Variants in NKAIN3 observed in about 807,000 individuals in gnomAD.
NKAIN3 encodes sodium/potassium-transporting ATPase subunit beta-1-interacting protein 3.
A neutral mutation model predicts 30.2 loss-of-function variants in NKAIN3; 25 were observed. That is an observed-to-expected ratio of 0.83 (90% CI 0.60 to 1.16). NKAIN3 has a LOEUF of 1.16. Among genes scored for constraint, NKAIN3 ranks in the 50% most tolerant of loss-of-function variants. The pLI is 0.00. For missense variants in NKAIN3, 225 were observed against 254.1 expected, an observed-to-expected ratio of 0.89 and a Z score of 0.78; for synonymous variants, 91 against 89.6, an observed-to-expected ratio of 1.02 and a Z score of -0.09.
intron 4 of NKAIN3, among the ~76,000 whole-genome samples, chr8:62,774,625 A>C (rs962402414): frequency 6.6e-6 from 1 of 152,096 alleles, no homozygotes; most frequent in African/African-American, 2.4e-5. Flanking sequence ...AGGATGTTGA[A>C]TTTTATAGAA....
At chr8:62,582,607 G>A (rs1478178321) in intron 2 of NKAIN3, among the ~76,000 whole-genome samples, 1 of 152,106 alleles carries the variant, frequency 6.6e-6, no homozygotes, top group Non-Finnish European at 1.5e-5. Flanking sequence ...GTGAAGGGGG[G>A]TCTGGGCCGG....
At chr8:62,716,170 C>A (rs1055950953) in intron 3 of NKAIN3, among the ~76,000 whole-genome samples, 11 of 152,092 alleles carry the variant, frequency 7.2e-5, no homozygotes, top group Non-Finnish European at 1.2e-4. Context: ...CAATGAACCT[C>A]CCAATAAGAA....
intron 1 of NKAIN3, among the ~76,000 whole-genome samples, chr8:62,288,917 T>G (rs542050017): frequency 5.4e-4 from 83 of 152,298 alleles, no homozygotes; most frequent in African/African-American, 1.9e-3. Flanking sequence ...TTACCTGACT[T>G]TTTAATGATC....
intron 4 of NKAIN3, among the ~76,000 whole-genome samples, chr8:62,832,596 A>T (rs1819232271): frequency 6.6e-6 from 1 of 152,014 alleles, no homozygotes; most frequent in Non-Finnish European, 1.5e-5. Flanking sequence ...ATGTAATAAA[A>T]CATTATTACA....
intron 4 of NKAIN3, among the ~76,000 whole-genome samples, chr8:62,902,030 T>A (rs1233360442): frequency 6.6e-6 from 1 of 152,032 alleles, no homozygotes; most frequent in Non-Finnish European, 1.5e-5. Context: ...GCCCAGAGGG[T>A]GGTGCCTGAC....
intron 4 of NKAIN3, among the ~76,000 whole-genome samples, chr8:62,784,819 A>G (rs1031537248): frequency 2.6e-5 from 4 of 152,180 alleles, no homozygotes; most frequent in African/African-American, 9.7e-5. Context: ...TAAAAAACAT[A>G]GATATATGAA....
chr8:62,281,994 C>CT lies in NKAIN3; in HGVS notation c.54+32879dup, dbSNP rs35944966. Among the ~76,000 whole-genome samples the CT allele has an allele frequency of 1.3e-3, 196 of 149,084 alleles. 1 individual carries two copies. The highest frequency in any genetic ancestry group is 4.3e-3 in the South Asian group (20 of 4,702). ...AATTCTCTGTCCTCCCTCAAGTTAT[C>CT]TTTTTTTTTTTTAATTTTCTCCATG... On this transcript the variant is annotated intron_variant, in intron 1 of 6. Coordinates refer to ENST00000623646, the MANE Select transcript of NKAIN3 (RefSeq NM_001304533.3).
intron 4 of NKAIN3, among the ~76,000 whole-genome samples, chr8:62,772,852 G>A (rs1337286970): frequency 6.6e-6 from 1 of 151,926 alleles, no homozygotes; most frequent in East Asian, 1.9e-4. Context: ...GTAGAGACAG[G>A]GTCTCACCAT....
At chr8:62,592,585 AGATTAAAACACAACCATGTCAAT>A (rs1411025446) in intron 3 of NKAIN3, among the ~76,000 whole-genome samples, 2 of 152,092 alleles carry the variant, frequency 1.3e-5, no homozygotes, top group African/African-American at 4.8e-5. Flanking sequence ...ACGATATGGT[AGATTAAAACACAACCATGTCAAT>A]GACTATATGA....
Position 62,319,278 on chromosome 8 carries a change from A to C in NKAIN3, c.54+70151A>C, listed in dbSNP as rs561638838. Among the ~76,000 whole-genome samples, 11 of 151,800 alleles carry C rather than the reference A, an allele frequency of 7.2e-5. No individual in the cohort carries two copies. The South Asian group carries it at 2.1e-3, about 29-fold the overall frequency. On this transcript the variant is annotated intron_variant, in intron 1 of 6. Transcript: ENST00000623646. ...TCAATTTTGTTGATCTTTTCAAAAA[A>C]CCCGCTGCTGGATTCATTGATTTTT...
chr8:62,332,787 G>T (rs1164625036), intron 1 of NKAIN3, among the ~76,000 whole-genome samples: 1 of 152,146 alleles, frequency 6.6e-6, no homozygotes, highest in East Asian at 1.9e-4. Flanking sequence ...CTTCCGTCAA[G>T]AAGCCAAGAT....
At chr8:62,611,773 A>T (rs910430337) in intron 3 of NKAIN3, among the ~76,000 whole-genome samples, 1 of 152,168 alleles carries the variant, frequency 6.6e-6, no homozygotes, top group Non-Finnish European at 1.5e-5. Context: ...TCTCTTTGAT[A>T]TACTCATTTT....
intron 1 of NKAIN3, among the ~76,000 whole-genome samples, chr8:62,499,245 T>C (rs1266545571): frequency 6.6e-6 from 1 of 152,176 alleles, no homozygotes; most frequent in Non-Finnish European, 1.5e-5. Context: ...AGTGTCACAC[T>C]CTGGAGATAG....
At chr8:62,950,247 C>T (rs1244006903) in intron 5 of NKAIN3, among the ~76,000 whole-genome samples, 2 of 152,242 alleles carry the variant, frequency 1.3e-5, no homozygotes, top group Admixed American at 6.5e-5. Flanking sequence ...TCTGTAAACT[C>T]GCCCTCTGTG....
rs942752439 is a variant in NKAIN3, at chr8:62,976,199, T to C, written c.*10792T>C. ...GAGAGTTCTGTAGATATCTATTAGG[T>C]CTGCTTGGTCAAGAGGTGAGTTCAA... On this transcript the variant is annotated 3_prime_UTR_variant, in exon 7 of 7. Coordinates refer to ENST00000623646, the MANE Select transcript of NKAIN3 (RefSeq NM_001304533.3). Among the ~76,000 whole-genome samples, 1 of 152,132 alleles carries C rather than the reference T, an allele frequency of 6.6e-6. No individual in the cohort carries two copies. Among genetic ancestry groups the C allele is most frequent in the Non-Finnish European group, 1.5e-5 (1 of 68,024 alleles).
At chr8:62,944,626 C>A (rs1007176499) in intron 5 of NKAIN3, among the ~76,000 whole-genome samples, 1 of 152,060 alleles carries the variant, frequency 6.6e-6, no homozygotes, top group South Asian at 2.1e-4. Flanking sequence ...CAGATTTATT[C>A]TCCCCAAAAA....
rs1267887962 is a variant in NKAIN3, at chr8:62,852,101, G to A, written c.472-66352G>A. Among the ~76,000 whole-genome samples the A allele has an allele frequency of 2.6e-5, 4 of 152,098 alleles. 1 individual carries two copies. The South Asian group carries it at 8.3e-4, about 32-fold the overall frequency. On this transcript the variant is annotated intron_variant, in intron 4 of 6. Transcript: ENST00000623646. Reference sequence around the variant, plus strand: ...ATCTGGTCCTGGACTTTTTTTGGTTGGTAAGCTATTAATTGTTGCCTCAAT... The same window carrying A: ...ATCTGGTCCTGGACTTTTTTTGGTTAGTAAGCTATTAATTGTTGCCTCAAT...
intron 5 of NKAIN3, among the ~76,000 whole-genome samples, chr8:62,929,416 T>C (rs1822551120): frequency 6.6e-5 from 10 of 152,258 alleles, no homozygotes; most frequent in Admixed American, 6.5e-4. Flanking sequence ...CCTCCTTTTC[T>C]ATTTACTCAC....
chr8:62,897,618 T>C (rs1028609068), intron 4 of NKAIN3, among the ~76,000 whole-genome samples: 2 of 152,280 alleles, frequency 1.3e-5, no homozygotes, highest in African/African-American at 4.8e-5. Context: ...GTTTTGTCCC[T>C]GCCAAAACTC....
Sources: gnomAD v4.1 joint callset for allele counts (sites outside exome capture counted in the v4.1 genomes callset) on GRCh38, gnomAD v4.1.1 for gene constraint, MANE v1.5 for transcripts, NCBI Gene and HGNC (gene_info 2026-07-23, HGNC 2026-07-21) for gene names.